GASK1A: variants seen among roughly 807,000 people sequenced by gnomAD.
GASK1A encodes golgi associated kinase 1A, also known as Golgi-associated kinase 1A.
Under a neutral mutation model 41.2 loss-of-function variants are expected in GASK1A, and 40 were observed. The observed-to-expected ratio is 0.97, with a 90% CI of 0.75 to 1.27. The LOEUF (loss-of-function observed/expected upper bound fraction) is 1.27, where lower values mean the gene tolerates loss of function less well. Ranked by LOEUF, GASK1A falls within the 50% of genes most tolerant of loss-of-function variation. GASK1A has a pLI of 0.00. For synonymous variants in GASK1A, 316 were observed against 307.1 expected (o/e 1.03, Z -0.30); for missense variants, 678 against 745.1 (o/e 0.91, Z 1.05).
intron 2 of GASK1A, among the ~76,000 whole-genome samples, chr3:43,037,933 CCA>C (rs1286377212): frequency 6.6e-6 from 1 of 152,082 alleles, no homozygotes; most frequent in East Asian, 1.9e-4. Flanking sequence ...TAAGGAACAA[CCA>C]CAGTTTTTCT....
chr3:43,035,767 A>C (rs1245809844), intron 2 of GASK1A, among the ~76,000 whole-genome samples: 1 of 152,232 alleles, frequency 6.6e-6, no homozygotes, highest in Non-Finnish European at 1.5e-5. Flanking sequence ...GTACCATCCC[A>C]CTTTACAGGA....
chr3:43,023,530 C>G (rs564336388), intron 1 of GASK1A, among the ~76,000 whole-genome samples: 6 of 152,296 alleles, frequency 3.9e-5, no homozygotes, highest in African/African-American at 1.2e-4. Context: ...ACCCTAATTG[C>G]TAACTGTGGC....
At chr3:42,985,046 G>C (rs2089301492) in intron 1 of GASK1A, among the ~76,000 whole-genome samples, 1 of 152,194 alleles carries the variant, frequency 6.6e-6, no homozygotes. Context: ...CACATAGTTA[G>C]ATAAGCTTTT....
chr3:43,007,042 G>A (rs76044721), intron 1 of GASK1A, among the ~76,000 whole-genome samples: 1,604 of 152,320 alleles, frequency 0.011, 15 homozygotes, highest in Admixed American at 0.015. Context: ...CTGCCAAGTG[G>A]TGAAGCTCAG....
At chr3:42,979,831 G>A (rs962950844) in intron 1 of GASK1A, among the ~76,000 whole-genome samples, 186 bp downstream of exon 1, 1 of 152,148 alleles carries the variant, frequency 6.6e-6, no homozygotes, top group African/African-American at 2.4e-5. Context: ...GGGGGCGATC[G>A]GCTTTCCTGC....
rs541919401 is a variant in GASK1A at position 43,049,313 on chromosome 3, T to C, written c.1291-4208T>C. ...ATATAGAGATGTATCAATAGATATGTCATAAAGTAAGCATAATAAAATATT... is the reference window on the plus strand; with the variant it reads ...ATATAGAGATGTATCAATAGATATGCCATAAAGTAAGCATAATAAAATATT... On this transcript the variant is annotated intron_variant, in intron 2 of 4. Transcript: ENST00000430121. Among the ~76,000 whole-genome samples the C allele has an allele frequency of 2.0e-5, 3 of 152,338 alleles. No individual in the cohort carries two copies. The South Asian group carries it at 6.2e-4, about 32-fold the overall frequency.
intron 2 of GASK1A, among the ~76,000 whole-genome samples, chr3:43,044,264 T>C (rs191088814): frequency 2.6e-4 from 39 of 152,286 alleles, no homozygotes; most frequent in Admixed American, 7.2e-4. Flanking sequence ...AGCTGGTGAG[T>C]TTCTGTCTCA....
intron 1 of GASK1A, among the ~76,000 whole-genome samples, chr3:43,019,939 A>G (rs1375069316): frequency 6.6e-6 from 1 of 152,108 alleles, no homozygotes; most frequent in Non-Finnish European, 1.5e-5. Context: ...ATGTTATCCC[A>G]TTGCCCATGG....
intron 1 of GASK1A, among the ~76,000 whole-genome samples, chr3:43,009,003 G>T (rs556082727): frequency 6.6e-6 from 1 of 152,296 alleles, no homozygotes; most frequent in Non-Finnish European, 1.5e-5. Flanking sequence ...TAATGATAAT[G>T]CTAAGTAATA....
chr3:43,055,104 G>A (rs751431409), intron 3 of GASK1A, among the ~76,000 whole-genome samples: 77 of 152,186 alleles, frequency 5.1e-4, no homozygotes, highest in Non-Finnish European at 3.1e-4. Flanking sequence ...CCATGGGTCC[G>A]GGTTTGAAAC....
intron 1 of GASK1A, among the ~76,000 whole-genome samples, chr3:43,015,949 G>C (rs1360647498): frequency 7.0e-6 from 1 of 143,166 alleles, no homozygotes; most frequent in African/African-American, 2.6e-5. Context: ...GCCACAGGAA[G>C]GGTCTGTGTG....
intron 2 of GASK1A, chr3:43,037,219 C>A: frequency 8.8e-7 from 1 of 1,131,186 alleles, no homozygotes. Context: ...AAGTCCTCTG[C>A]TATGTCTTCA....
chr3:43,005,485 C>G (rs2089431426), intron 1 of GASK1A, among the ~76,000 whole-genome samples: 1 of 152,200 alleles, frequency 6.6e-6, no homozygotes, highest in African/African-American at 2.4e-5. Context: ...ATTCACACTG[C>G]AGATGCTCTC....
rs556263014 is a variant in GASK1A, at chr3:43,011,779, TCACAGGAGGAGGCTGTGTGAAGC to T, written c.4-20481_4-20459del. ...AGCCAAGGGAAGGGGCTGTGTGAAG[TCACAGGAGGAGGCTGTGTGAAGC>T]CACAGGGTCAGTATGAAGCCACAGG... On this transcript the variant is annotated intron_variant, in intron 1 of 4. Coordinates refer to ENST00000430121, the MANE Select transcript of GASK1A (RefSeq NM_001129908.3). 5.5e-3 allele frequency among the ~76,000 whole-genome samples: 801 copies of T among 145,278 alleles called. 5 individuals carry two copies. The highest frequency in any genetic ancestry group is 0.019 in the African/African-American group (754 of 38,684).
At chr3:43,015,223 GGCAGTGGGAAGTCACAGGAAGGA>G (rs2089484210) in intron 1 of GASK1A, among the ~76,000 whole-genome samples, 2 of 151,630 alleles carry the variant, frequency 1.3e-5, no homozygotes, top group African/African-American at 4.9e-5. Context: ...CACAGGAAGG[GGCAGTGGGAAGTCACAGGAAGGA>G]GCAGTGCGAA....
intron 2 of GASK1A, among the ~76,000 whole-genome samples, chr3:43,045,785 G>A (rs1006699430): frequency 3.9e-5 from 6 of 152,128 alleles, no homozygotes; most frequent in Admixed American, 2.0e-4. Flanking sequence ...TGAATCATGG[G>A]GGTTGGTTTC....
chr3:43,040,712 T>TTTTTATTTTA (rs552280670), intron 2 of GASK1A, among the ~76,000 whole-genome samples: 1 of 151,898 alleles, frequency 6.6e-6, no homozygotes, highest in Non-Finnish European at 1.5e-5. Flanking sequence ...AATGGGATCT[T>TTTTTATTTTA]TTTTATTTTA....
intron 1 of GASK1A, among the ~76,000 whole-genome samples, chr3:42,996,746 T>G (rs2089372345): frequency 6.6e-6 from 1 of 152,222 alleles, no homozygotes; most frequent in South Asian, 2.1e-4. Flanking sequence ...TCAAATAGTT[T>G]GGGAACTGGA....
chr3:43,056,540 G>T lies in GASK1A; in HGVS notation c.*154G>T. The T allele has an allele frequency of 1.5e-6, 1 of 645,834 alleles. No individual in the cohort carries two copies. The highest frequency in any genetic ancestry group is 2.8e-5 in the South Asian group (1 of 35,352). 40.0% of individuals were successfully genotyped at this position (645,834 alleles called of 1,614,324 possible). ...CTGCCTGGGATGGTGGAGGTAGTAT[G>T]GGGTTTTCAATCTCAAAGCGTCCCT... On this transcript the variant is annotated 3_prime_UTR_variant, in exon 5 of 5. Coordinates refer to ENST00000430121, the MANE Select transcript of GASK1A (RefSeq NM_001129908.3).
Sources: gnomAD v4.1 joint callset for allele counts (sites outside exome capture counted in the v4.1 genomes callset) on GRCh38, gnomAD v4.1.1 for gene constraint, MANE v1.5 for transcripts, NCBI Gene and HGNC (gene_info 2026-07-23, HGNC 2026-07-21) for gene names.